The following ZNF207 variants were observed in gnomAD, a reference collection of about 807,000 sequenced individuals.
The protein encoded by ZNF207 is zinc finger protein 207.
Under a neutral mutation model 60.2 loss-of-function variants are expected in ZNF207, and 24 were observed. The observed-to-expected ratio is 0.40, with a 90% CI of 0.29 to 0.56. The LOEUF is 0.56. ZNF207 is among the 20% of genes least tolerant of loss of function. The pLI, the probability that ZNF207 is intolerant of heterozygous loss-of-function variation, is 0.49. For missense variants in ZNF207, 452 were observed against 636.6 expected (o/e 0.71, Z 3.12); for synonymous variants, 236 against 194.7 (o/e 1.21, Z -1.77).
In ZNF207 at chr17:32,373,689, TTAAC is replaced by T. The variant is rs931009984; in HGVS notation, c.*3931_*3934del. ...ATGTAATTTGCTGTGTGTTACATAA[TTAAC>T]AGCTTCAGTAAAGCTTGTGTTCCTA... On this transcript the variant is annotated 3_prime_UTR_variant, in exon 12 of 12. Transcript: ENST00000394670. The T allele has an allele frequency of 2.6e-4, 90 of 345,992 alleles. 2 individuals are homozygous for T. Among genetic ancestry groups the T allele is most frequent in the East Asian group, 2.4e-3 (55 of 22,604 alleles). 21.4% of individuals were successfully genotyped at this position (345,992 alleles called of 1,614,324 possible). A position where few individuals can be genotyped will look rare whatever the true frequency, so the allele number is the denominator to read the frequency against.
At position 32,375,460 on chromosome 17, in the gene ZNF207, A is replaced by T. The variant is rs1233579879; in HGVS notation, c.*5701A>T. ...TGAGTACTGGGGGTGGGAAGGATTT[A>T]GTAATGTCATAATCTGTTGAAGGTA... On this transcript the variant is annotated 3_prime_UTR_variant, in exon 12 of 12. Coordinates refer to ENST00000394670, the MANE Select transcript of ZNF207 (RefSeq NM_001098507.2). The T allele has an allele frequency of 6.6e-6, 1 of 152,142 alleles. No individual in the cohort carries two copies. Among genetic ancestry groups the T allele is most frequent in the Non-Finnish European group, 1.5e-5 (1 of 67,994 alleles). The allele number at this position is 152,142 out of a possible 1,614,324, so 9.4% of individuals were successfully genotyped here. A position where few individuals can be genotyped will look rare whatever the true frequency, so the allele number is the denominator to read the frequency against.
intron 3 of ZNF207, among the ~76,000 whole-genome samples, chr17:32,359,470 A>T (rs759335542): frequency 6.6e-6 from 1 of 151,466 alleles, no homozygotes; most frequent in Non-Finnish European, 1.5e-5. Context: ...CTGGTCTCAA[A>T]CTCCTGACCT....
Position 32,377,296 on chromosome 17 carries a change from GAAAA to G in ZNF207, c.*7544_*7547del, listed in dbSNP as rs1045052620. The G allele has an allele frequency of 2.7e-5, 4 of 146,746 alleles. No homozygotes were observed. The highest frequency in any genetic ancestry group is 7.5e-5 in the African/African-American group (3 of 40,012). The allele number at this position is 146,746 out of a possible 1,614,324, so 9.1% of individuals were successfully genotyped here. ...TAAATAGTTTAGCAGTCACAGAGGTGAAAAAAAAAAGATTTGCACCATCATATCC... is the reference window on the plus strand; with the variant it reads ...TAAATAGTTTAGCAGTCACAGAGGTGAAAAAAGATTTGCACCATCATATCC... On this transcript the variant is annotated 3_prime_UTR_variant, in exon 12 of 12. Coordinates refer to ENST00000394670, the MANE Select transcript of ZNF207 (RefSeq NM_001098507.2).
rs139074668 is a variant in ZNF207 at position 32,369,657 on chromosome 17, G to C, written c.1383G>C (p.Pro461=). The C allele has an allele frequency of 1.9e-6, 3 of 1,594,704 alleles. No individual in the cohort carries two copies. Among genetic ancestry groups the C allele is most frequent in the East Asian group, 2.2e-5 (1 of 44,670 alleles). The stretch of plus-strand genomic sequence containing the variant: ...GATACCTTCCTGGTGCTATGCCCCC[G>C]TATGGGCAGGGACCGCCAATGGTGC... The part of the protein sequence containing the change: ...MPGYLPGAMP[P]YGQGPPMVPP... The change falls in exon 12 of 12, where the codon CCG becomes CCC. Residue 461 remains proline (P), a synonymous_variant. Coordinates refer to ENST00000394670, the MANE Select transcript of ZNF207 (RefSeq NM_001098507.2).
intron 4 of ZNF207, 48 bp downstream of exon 4, chr17:32,360,813 A>G (rs1460182170): frequency 5.6e-6 from 9 of 1,612,048 alleles, no homozygotes; most frequent in Non-Finnish European, 7.6e-6. Context: ...GACATTATTG[A>G]TATTGTATCG....
At chr17:32,350,676 C>A (rs924406128) in intron 1 of ZNF207, among the ~76,000 whole-genome samples, 1 of 152,134 alleles carries the variant, frequency 6.6e-6, no homozygotes, top group Non-Finnish European at 1.5e-5. Context: ...AGGGACTTTT[C>A]TTCGAGTGCG....
chr17:32,368,179 T>A, intron 10 of ZNF207, 165 bp downstream of exon 10: 1 of 986,900 alleles, frequency 1.0e-6, no homozygotes, highest in Non-Finnish European at 1.4e-6. Context: ...ATAAAATACT[T>A]AAAGTGGACA....
At position 32,368,088 on chromosome 17, in the gene ZNF207, G is replaced by A. The variant is rs1905284557; in HGVS notation, c.1164+74G>A. 1.9e-6 allele frequency: 3 copies of A among 1,573,436 alleles called. No individual in the cohort carries two copies. The African/African-American group carries it at 4.1e-5, about 21-fold the overall frequency. ...ATAGCAGTTCGTCCCTTTAAAATAAGTGTTCATTTGTACTCAGATGGTCTG... is the reference window on the plus strand; with the variant it reads ...ATAGCAGTTCGTCCCTTTAAAATAAATGTTCATTTGTACTCAGATGGTCTG... On this transcript the variant is annotated intron_variant, in intron 10 of 11. Coordinates refer to ENST00000394670, the MANE Select transcript of ZNF207 (RefSeq NM_001098507.2).
In ZNF207 at chr17:32,377,293, G is replaced by A. The variant is rs1418966719; in HGVS notation, c.*7534G>A. 1 of 151,414 alleles carries A rather than the reference G, an allele frequency of 6.6e-6. No individual in the cohort carries two copies. The highest frequency in any genetic ancestry group is 1.5e-5 in the Non-Finnish European group (1 of 67,742). The allele number at this position is 151,414 out of a possible 1,614,324, so 9.4% of individuals were successfully genotyped here. ...TCATAAATAGTTTAGCAGTCACAGA[G>A]GTGAAAAAAAAAAGATTTGCACCAT... is the stretch of plus-strand genomic sequence containing the variant. On this transcript the variant is annotated 3_prime_UTR_variant, in exon 12 of 12. Transcript: ENST00000394670.
chr17:32,356,519 C>CT (rs1445711412), intron 2 of ZNF207, among the ~76,000 whole-genome samples: 3 of 152,140 alleles, frequency 2.0e-5, no homozygotes, highest in African/African-American at 7.2e-5. Flanking sequence ...AGTTTCAAAT[C>CT]TTTAAGTGAG....
At chr17:32,355,761 G>T (rs1567814212) in intron 2 of ZNF207, among the ~76,000 whole-genome samples, 2 of 152,214 alleles carry the variant, frequency 1.3e-5, no homozygotes, top group Non-Finnish European at 2.9e-5. Context: ...GGAAAACCAA[G>T]AGTAGTGCCC....
intron 8 of ZNF207, 69 bp from the exon 9 acceptor site, chr17:32,366,596 C>CT: frequency 7.6e-7 from 1 of 1,324,104 alleles, no homozygotes; most frequent in South Asian, 1.5e-5. Context: ...ACTAAAAAGT[C>CT]TACCACATGG....
chr17:32,360,739 T>G lies in ZNF207; in HGVS notation c.449T>G (p.Val150Gly), dbSNP rs1363045439. 2 of 1,614,158 alleles carry G rather than the reference T, an allele frequency of 1.2e-6. No homozygotes were observed. The change falls in exon 4 of 12, where the codon GTA becomes GGA. Residue 150 changes from valine (V) to glycine (G), a missense_variant. This residue lies in a region of ZNF207 where 390 missense variants were observed against 461.4 expected (regional missense o/e 0.85). Coordinates refer to ENST00000394670, the MANE Select transcript of ZNF207 (RefSeq NM_001098507.2). The part of the protein sequence containing the change: ...PPMAQPGLPP[V>G]PGAPGMPPGI... ...ATGGCACAGCCAGGACTGCCACCAG[T>G]ACCAGGAGCACCAGGAATGCCTCCA...
At chr17:32,363,310 A>G (rs935916431) in intron 7 of ZNF207, among the ~76,000 whole-genome samples, 3 of 151,636 alleles carry the variant, frequency 2.0e-5, no homozygotes, top group African/African-American at 7.3e-5. Context: ...TTGGTCTTGA[A>G]CTTCTGACCT....
Position 32,350,165 on chromosome 17 carries a change from T to A in ZNF207, c.-121T>A. 1.4e-6 allele frequency: 2 copies of A among 1,471,368 alleles called. No individual in the cohort carries two copies. 91.1% of individuals were successfully genotyped at this position (1,471,368 alleles called of 1,614,324 possible). A position where few individuals can be genotyped will look rare whatever the true frequency, so the allele number is the denominator to read the frequency against. ...GAGCGGGGAACGAGGCCGTCGGCCA[T>A]TTTGTGTCTGCTTCCTGTGGGACGT... On this transcript the variant is annotated 5_prime_UTR_variant, in exon 1 of 12. Transcript: ENST00000394670.
In ZNF207 at chr17:32,375,809, T is replaced by A. The variant is rs1905656922; in HGVS notation, c.*6050T>A. On this transcript the variant is annotated 3_prime_UTR_variant, in exon 12 of 12. Transcript: ENST00000394670. ...ATTGAAATTTGTTTGCTCTTCATTG[T>A]AACTTTTATGTAAAAGTCCTTTAAA... is the stretch of plus-strand genomic sequence containing the variant. 1 of 152,152 alleles carries A rather than the reference T, an allele frequency of 6.6e-6. No individual in the cohort carries two copies. Among genetic ancestry groups the A allele is most frequent in the Non-Finnish European group, 1.5e-5 (1 of 67,968 alleles). 9.4% of individuals were successfully genotyped at this position (152,152 alleles called of 1,614,324 possible).
intron 8 of ZNF207, 85 bp from the exon 9 acceptor site, chr17:32,366,580 C>T (rs1261592100): frequency 1.9e-6 from 2 of 1,058,020 alleles, no homozygotes; most frequent in African/African-American, 1.6e-5. Context: ...TACAAATATG[C>T]AATCTACTAA....
At chr17:32,353,691 G>T (rs1435738555) in intron 2 of ZNF207, among the ~76,000 whole-genome samples, 1 of 149,720 alleles carries the variant, frequency 6.7e-6, no homozygotes, top group African/African-American at 2.5e-5. Flanking sequence ...GGAGGGCTGG[G>T]GGCGGGGGGC....
Position 32,365,746 on chromosome 17 carries a change from T to G in ZNF207, c.828+259T>G, listed in dbSNP as rs536738859. On this transcript the variant is annotated intron_variant, in intron 8 of 11. Coordinates refer to ENST00000394670, the MANE Select transcript of ZNF207 (RefSeq NM_001098507.2). ...AACCCTATTTATTCTTAGTTTTTTT[T>G]TTTTTTTTTTTAAGCTAATGAAAGT... 4.2e-4 allele frequency among the ~76,000 whole-genome samples: 64 copies of G among 151,342 alleles called. No homozygotes were observed. In the South Asian group the frequency reaches 0.011, roughly 27 times the overall value.
Sources: gnomAD v4.1 joint callset for allele counts (sites outside exome capture counted in the v4.1 genomes callset) on GRCh38, gnomAD v4.1.1 for gene constraint, gnomAD v4.1.1 regional missense constraint, MANE v1.5 for transcripts, NCBI Gene and HGNC (gene_info 2026-07-23, HGNC 2026-07-21) for gene names.